Variants in RPH3A observed in about 807,000 individuals in gnomAD.
The protein encoded by RPH3A is rabphilin-3A.
Under a neutral mutation model 102.2 loss-of-function variants are expected in RPH3A, and 48 were observed. That is an observed-to-expected ratio of 0.47 (90% CI 0.37 to 0.60). The LOEUF is 0.60. Ranked by LOEUF, RPH3A falls within the 20% of genes least tolerant of loss-of-function variation. The pLI, the probability that RPH3A is intolerant of heterozygous loss-of-function variation, is 0.00. For synonymous variants in RPH3A, 310 were observed against 324.3 expected, an observed-to-expected ratio of 0.96 and a Z score of 0.47; for missense variants, 781 against 910.1, an observed-to-expected ratio of 0.86 and a Z score of 1.83.
intron 5 of RPH3A, among the ~76,000 whole-genome samples, chr12:112,859,359 C>CA (rs1234482784): frequency 6.6e-6 from 1 of 152,150 alleles, no homozygotes; most frequent in Non-Finnish European, 1.5e-5. Context: ...ACATGATCTT[C>CA]AAAAATGCAC....
intron 2 of RPH3A, among the ~76,000 whole-genome samples, chr12:112,805,840 T>C: frequency 6.6e-6 from 1 of 152,344 alleles, no homozygotes; most frequent in South Asian, 2.1e-4. Flanking sequence ...TAAATATTTA[T>C]TGACCATCTA....
chr12:112,685,935 T>C (rs1249949128), intron 1 of RPH3A, among the ~76,000 whole-genome samples: 1 of 152,216 alleles, frequency 6.6e-6, no homozygotes, highest in African/African-American at 2.4e-5. Context: ...ATGCAGAGCA[T>C]GGAGGAGTGT....
intron 2 of RPH3A, among the ~76,000 whole-genome samples, chr12:112,810,792 C>T (rs954797622): frequency 1.3e-5 from 2 of 152,150 alleles, no homozygotes; most frequent in African/African-American, 4.8e-5. Context: ...AAATTACTAA[C>T]ATCTGTCCCA....
At chr12:112,618,250 C>G (rs1406723915) in intron 1 of RPH3A, among the ~76,000 whole-genome samples, 1 of 152,128 alleles carries the variant, frequency 6.6e-6, no homozygotes, top group Non-Finnish European at 1.5e-5. Context: ...TGCCCTTGGC[C>G]TTGTCACTGC....
At chr12:112,636,464 G>T (rs1294939673) in intron 1 of RPH3A, among the ~76,000 whole-genome samples, 4 of 152,142 alleles carry the variant, frequency 2.6e-5, no homozygotes, top group African/African-American at 7.2e-5. Context: ...TTAAAAATAT[G>T]CAGGGGCATT....
At chr12:112,811,071 G>C (rs1047033737) in intron 2 of RPH3A, among the ~76,000 whole-genome samples, 2 of 152,106 alleles carry the variant, frequency 1.3e-5, no homozygotes, top group African/African-American at 4.8e-5. Flanking sequence ...CACTGAACTA[G>C]TAAATACTGA....
At chr12:112,646,638 G>A (rs1310436848) in intron 1 of RPH3A, among the ~76,000 whole-genome samples, 1 of 152,198 alleles carries the variant, frequency 6.6e-6, no homozygotes, top group East Asian at 1.9e-4. Flanking sequence ...GCACAGTGAG[G>A]TTGGACAGTT....
intron 4 of RPH3A, chr12:112,842,000 C>T (rs1181462111): frequency 3.7e-5 from 17 of 455,964 alleles, no homozygotes; most frequent in Non-Finnish European, 6.2e-5. Flanking sequence ...GACACTGCTA[C>T]TACCATGGCT....
Position 112,896,903 on chromosome 12 carries a change from C to T in RPH3A, c.*123C>T, listed in dbSNP as rs762712457. 72 of 1,107,656 alleles carry T rather than the reference C, an allele frequency of 6.5e-5. No individual in the cohort carries two copies. Among genetic ancestry groups the T allele is most frequent in the Middle Eastern group, 6.0e-4 (2 of 3,312 alleles). The allele number at this position is 1,107,656 out of a possible 1,614,324, so 68.6% of individuals were successfully genotyped here. On this transcript the variant is annotated 3_prime_UTR_variant, in exon 22 of 22. Transcript: ENST00000389385. ...CCCATACCCTGCTGATCTCCCTGAG[C>T]CTGCCTTTGAGCCCCCGTCACGTTG...
chr12:112,866,889 C>G, intron 7 of RPH3A, 49 bp downstream of exon 7: 3 of 1,470,890 alleles, frequency 2.0e-6, no homozygotes, highest in Non-Finnish European at 2.8e-6. Flanking sequence ...CCTTTCTTGG[C>G]CAGCTTAAGA....
chr12:112,819,362 C>A (rs781766705), intron 2 of RPH3A, among the ~76,000 whole-genome samples: 1 of 152,116 alleles, frequency 6.6e-6, no homozygotes, highest in Non-Finnish European at 1.5e-5. Flanking sequence ...CCCACCTCAG[C>A]CTCCCCAAGG....
chr12:112,701,028 C>T (rs1292448672), intron 1 of RPH3A, among the ~76,000 whole-genome samples: 1 of 152,206 alleles, frequency 6.6e-6, no homozygotes, highest in Non-Finnish European at 1.5e-5. Context: ...ACTCTGAACT[C>T]ATGACCTTCC....
intron 3 of RPH3A, among the ~76,000 whole-genome samples, chr12:112,833,272 A>G (rs199652889): frequency 2.0e-5 from 3 of 152,146 alleles, no homozygotes; most frequent in Non-Finnish European, 4.4e-5. Context: ...ATTTCTTCCC[A>G]GCTCTTCGTT....
chr12:112,868,683 G>C, intron 8 of RPH3A, 88 bp downstream of exon 8: 2 of 1,424,620 alleles, frequency 1.4e-6, no homozygotes, highest in Non-Finnish European at 1.9e-6. Context: ...TCATGTCTGT[G>C]TTTCCACCCA....
At chr12:112,840,237 A>G (rs1420256086) in intron 4 of RPH3A, among the ~76,000 whole-genome samples, 1 of 152,142 alleles carries the variant, frequency 6.6e-6, no homozygotes, top group Non-Finnish European at 1.5e-5. Context: ...TACATGTGAT[A>G]TTTTGGTACC....
intron 1 of RPH3A, among the ~76,000 whole-genome samples, chr12:112,653,516 C>T (rs2039991107): frequency 2.6e-5 from 4 of 152,082 alleles, no homozygotes. Context: ...TAGGACATTA[C>T]TGTGCACTGC....
chr12:112,814,222 A>G (rs1049314859), intron 2 of RPH3A, among the ~76,000 whole-genome samples: 2 of 152,008 alleles, frequency 1.3e-5, no homozygotes, highest in African/African-American at 2.4e-5. Flanking sequence ...GCTTTCTGTT[A>G]TGTAACAGAA....
At chr12:112,587,899 C>G (rs369029576) in intron 1 of RPH3A, among the ~76,000 whole-genome samples, 1 of 152,066 alleles carries the variant, frequency 6.6e-6, no homozygotes, top group East Asian at 1.9e-4. Flanking sequence ...TGTGAGCCCT[C>G]GGTGAATGTT....
At chr12:112,622,017 A>C (rs374710433) in intron 1 of RPH3A, among the ~76,000 whole-genome samples, 15 of 151,070 alleles carry the variant, frequency 9.9e-5, no homozygotes, top group South Asian at 4.2e-4. Flanking sequence ...AGAAGGAAAA[A>C]TAACAAACAG....
Sources: gnomAD v4.1 joint callset for allele counts (sites outside exome capture counted in the v4.1 genomes callset) on GRCh38, gnomAD v4.1.1 for gene constraint, MANE v1.5 for transcripts, NCBI Gene and HGNC (gene_info 2026-07-23, HGNC 2026-07-21) for gene names.